Variants in RIMBP2 observed in about 807,000 individuals in gnomAD.
The protein encoded by RIMBP2 is RIMS binding protein 2.
In RIMBP2, 48 loss-of-function variants were observed where a neutral mutation model predicts 118.6. The ratio of observed to expected loss-of-function variants is 0.40; its 90% CI spans 0.32 to 0.51. The LOEUF (loss-of-function observed/expected upper bound fraction) is 0.51, where lower values mean the gene tolerates loss of function less well. Among genes scored for constraint, RIMBP2 ranks in the 20% least tolerant of loss-of-function variants. The pLI, the probability that RIMBP2 is intolerant of heterozygous loss-of-function variation, is 0.41. For synonymous variants in RIMBP2, 762 were observed against 742.9 expected, an observed-to-expected ratio of 1.03 and a Z score of -0.42; for missense variants, 1,551 against 1,768.3, an observed-to-expected ratio of 0.88 and a Z score of 2.20.
At chr12:130,579,363 A>T (rs1023098553) in intron 2 of RIMBP2, among the ~76,000 whole-genome samples, 1 of 151,424 alleles carries the variant, frequency 6.6e-6, no homozygotes, top group Non-Finnish European at 1.5e-5. Flanking sequence ...CTCAGTAAAA[A>T]CCCTGGGCCC....
chr12:130,437,038 C>A lies in RIMBP2; in HGVS notation c.1910G>T (p.Arg637Met). ...TKDEHLGPHA[R>M]MDEAWEQSRA... ...GCTCTGCTCCCAGGCCTCATCCATC[C>A]TGGCGTGGGGACCCAGGTGCTCGTC... Residue 637 changes from arginine (R) to methionine (M), a missense_variant, in exon 13 of 23, where the codon AGG (arginine) becomes ATG (methionine). Coordinates refer to ENST00000690449, the MANE Select transcript of RIMBP2 (RefSeq NM_001393629.1). 6.3e-7 allele frequency: 1 copy of A among 1,580,194 alleles called. No homozygotes were observed. The highest frequency in any genetic ancestry group is 8.6e-7 in the Non-Finnish European group (1 of 1,160,594).
rs569157067 is a variant in RIMBP2, at chr12:130,523,560, A to G, written c.-216-5643T>C. The stretch of plus-strand genomic sequence containing the variant: ...CACCCCCTTCCCCATCAGGAGCTCC[A>G]GTTAAATCCCCATTTCAATGGACAA... On this transcript the variant is annotated intron_variant, in intron 2 of 22. Coordinates refer to ENST00000690449, the MANE Select transcript of RIMBP2 (RefSeq NM_001393629.1). This position sits in a 1 kb window ranked among gnomAD's most constrained non-coding sequence, Gnocchi z 4.4. Among the ~76,000 whole-genome samples the G allele has an allele frequency of 6.6e-6, 1 of 152,232 alleles. No individual in the cohort carries two copies. The highest frequency in any genetic ancestry group is 6.5e-5 in the Admixed American group (1 of 15,288).
intron 2 of RIMBP2, among the ~76,000 whole-genome samples, chr12:130,567,010 G>A (rs899694647): frequency 6.6e-6 from 1 of 152,220 alleles, no homozygotes; most frequent in Non-Finnish European, 1.5e-5. Flanking sequence ...AGTAGGAAAT[G>A]CTTTCAAAGG....
In RIMBP2 at chr12:130,442,290, G is replaced by A. The variant is rs1408127356; in HGVS notation, c.1062C>T (p.Asp354=). The part of the protein sequence containing the change: ...GTVSSYNVLV[D]KETRMNLTLG... ...GCGTGAGGTTCATGCGTGTCTCCTTGTCCACCAGGACGTTGTAGCTGCTCA... is the reference window on the plus strand; with the variant it reads ...GCGTGAGGTTCATGCGTGTCTCCTTATCCACCAGGACGTTGTAGCTGCTCA... The change falls in exon 11 of 23, where the codon GAC becomes GAT. Residue 354 remains aspartate (D), a synonymous_variant. Transcript: ENST00000690449. The surrounding 1 kb of genome is among the most constrained non-coding windows in gnomAD (Gnocchi z 6.9). 1 of 1,614,178 alleles carries A rather than the reference G, an allele frequency of 6.2e-7. No individual in the cohort carries two copies. Among genetic ancestry groups the A allele is most frequent in the South Asian group, 1.1e-5 (1 of 91,084 alleles).
chr12:130,522,079 C>T (rs1476385727), intron 2 of RIMBP2, among the ~76,000 whole-genome samples: 1 of 152,202 alleles, frequency 6.6e-6, no homozygotes, highest in Non-Finnish European at 1.5e-5. Context: ...GATGTGAGGA[C>T]TCCTAGGGCC....
intron 2 of RIMBP2, among the ~76,000 whole-genome samples, chr12:130,604,114 A>G (rs188659102): frequency 1.1e-4 from 16 of 152,226 alleles, no homozygotes; most frequent in Non-Finnish European, 1.3e-4. Flanking sequence ...GGCCCAGGCT[A>G]ATGTGTGCGT....
At position 130,576,469 on chromosome 12, in the gene RIMBP2, T is replaced by C. The variant is rs940198738; in HGVS notation, c.-217+51853A>G. ...CAGCTGCATGCCGGCATCCAAGCTGTGCGGGCTAAGTATCTCCTCCCGCGG... is the reference window on the plus strand; with the variant it reads ...CAGCTGCATGCCGGCATCCAAGCTGCGCGGGCTAAGTATCTCCTCCCGCGG... On this transcript the variant is annotated intron_variant, in intron 2 of 22. Coordinates refer to ENST00000690449, the MANE Select transcript of RIMBP2 (RefSeq NM_001393629.1). The surrounding 1 kb of genome is among the most constrained non-coding windows in gnomAD (Gnocchi z 4.2). Among the ~76,000 whole-genome samples the C allele has an allele frequency of 3.3e-5, 5 of 152,248 alleles. No individual in the cohort carries two copies. The highest frequency in any genetic ancestry group is 1.2e-4 in the African/African-American group (5 of 41,566).
At chr12:130,714,614 T>C (rs1950197106) in intron 1 of RIMBP2, among the ~76,000 whole-genome samples, 1 of 152,172 alleles carries the variant, frequency 6.6e-6, no homozygotes, top group African/African-American at 2.4e-5. Context: ...TTCCCTGAAA[T>C]AACCTGGAAG....
intron 9 of RIMBP2, among the ~76,000 whole-genome samples, chr12:130,449,711 G>A (rs376812107): frequency 1.4e-4 from 21 of 152,230 alleles, no homozygotes; most frequent in African/African-American, 5.1e-4. Context: ...TACTGCAGCG[G>A]GGCAGATTCC....
At chr12:130,460,877 C>T (rs1440408314) in intron 6 of RIMBP2, among the ~76,000 whole-genome samples, 1 of 152,168 alleles carries the variant, frequency 6.6e-6, no homozygotes, top group Non-Finnish European at 1.5e-5. Flanking sequence ...CCCCGTCCCA[C>T]AGTCCCCTCA....
intron 1 of RIMBP2, among the ~76,000 whole-genome samples, chr12:130,704,650 C>T (rs898666437): frequency 3.9e-5 from 6 of 152,102 alleles, no homozygotes; most frequent in Non-Finnish European, 7.4e-5. Context: ...AATTAGATGG[C>T]ACTCCGCATT....
rs1270716098 is a variant in RIMBP2, at chr12:130,442,177, C to G, written c.1175G>C (p.Gly392Ala). 6.2e-7 allele frequency: 1 copy of G among 1,614,204 alleles called. No homozygotes were observed. The highest frequency in any genetic ancestry group is 1.3e-5 in the African/African-American group (1 of 75,054). Residue 392 changes from glycine to alanine, a missense_variant, in exon 11 of 23, where the codon GGC becomes GCC. Physicochemically the swap from Gly to Ala is moderately conservative, Grantham distance 60. Coordinates refer to ENST00000690449, the MANE Select transcript of RIMBP2 (RefSeq NM_001393629.1). This position sits in a 1 kb window ranked among gnomAD's most constrained non-coding sequence, Gnocchi z 6.9. ...CGTGCACTGCAGCTCATCCGAGCTG[C>G]CCCTGCTGGTGACGCACTGCACGGA... ...RISVQCVTSR[G>A]SSDELQCTLL...
chr12:130,436,970 C>A lies in RIMBP2; in HGVS notation c.1978G>T (p.Val660Leu). ...GAGGGCGACCGCCTTCCGGGGCCCA[C>A]GGGCGGCTCCAGCATGTGCCCATGC... ...PVHGHMLEPP[V>L]GPGRRSPSPS... The change falls in exon 13 of 23, where the codon GTG becomes TTG. Residue 660 changes from valine to leucine, a missense_variant. Around this residue, in one of 5 missense-constraint regions of RIMBP2, gnomAD observed 1,038 missense variants for 1,125.1 expected, o/e 0.92. Coordinates refer to ENST00000690449, the MANE Select transcript of RIMBP2 (RefSeq NM_001393629.1). The A allele has an allele frequency of 6.2e-7, 1 of 1,608,280 alleles. No homozygotes were observed. Among genetic ancestry groups the A allele is most frequent in the Non-Finnish European group, 8.5e-7 (1 of 1,177,806 alleles).
chr12:130,414,100 C>G lies in RIMBP2; in HGVS notation c.3420+25G>C, dbSNP rs754468104. The G allele has an allele frequency of 1.9e-6, 3 of 1,613,030 alleles. No homozygotes were observed. The East Asian group carries it at 6.7e-5, about 36-fold the overall frequency. ...AGACCCGCCTCAGGGGCTGATGAAG[C>G]CGCCCGCAGGCAGCCATCCCGCACC... On this transcript the variant is annotated intron_variant, in intron 18 of 22. Transcript: ENST00000690449.
In RIMBP2 at chr12:130,646,466, G is replaced by A. The variant is rs76749102; in HGVS notation, c.-351-18010C>T. ...TGCCACCTCCCTCGCCACCTCCCTC[G>A]CTACCTCCCTCACTACTGCAAAAGG... On this transcript the variant is annotated intron_variant, in intron 1 of 22. Coordinates refer to ENST00000690449, the MANE Select transcript of RIMBP2 (RefSeq NM_001393629.1). 3.1e-3 allele frequency among the ~76,000 whole-genome samples: 135 copies of A among 43,286 alleles called. 36 individuals are homozygous for A. The highest frequency in any genetic ancestry group is 5.3e-3 in the African/African-American group (78 of 14,614). 28.4% of individuals were successfully genotyped at this position (43,286 alleles called of 152,430 possible).
chr12:130,522,159 T>A (rs2052201131), intron 2 of RIMBP2, among the ~76,000 whole-genome samples: 1 of 152,238 alleles, frequency 6.6e-6, no homozygotes, highest in South Asian at 2.1e-4. Context: ...TTTAATCCAT[T>A]AATATCCACT....
At chr12:130,580,672 G>A (rs1593889484) in intron 2 of RIMBP2, among the ~76,000 whole-genome samples, 1 of 152,222 alleles carries the variant, frequency 6.6e-6, no homozygotes, top group Non-Finnish European at 1.5e-5. Context: ...AGGTGCAGTG[G>A]CTCATGCCTG....
chr12:130,507,137 A>G (rs893331364), intron 3 of RIMBP2, among the ~76,000 whole-genome samples: 6 of 152,196 alleles, frequency 3.9e-5, no homozygotes, highest in Admixed American at 2.6e-4. Context: ...TTGCACTTGT[A>G]TAGGAACCCG....
intron 12 of RIMBP2, 26 bp downstream of exon 12, chr12:130,438,339 T>TCCCCC: frequency 2.6e-6 from 2 of 755,628 alleles, no homozygotes; most frequent in Admixed American, 2.5e-5. Flanking sequence ...TAACAAACCC[T>TCCCCC]CCCCACCCAC....
Sources: allele counts gnomAD v4.1 joint callset (sites outside exome capture counted in the v4.1 genomes callset), GRCh38; gene constraint gnomAD v4.1.1; regional missense constraint gnomAD v4.1.1; non-coding constraint Gnocchi (gnomAD v3.1); transcripts MANE v1.5; gene names NCBI Gene and HGNC (gene_info 2026-07-23, HGNC 2026-07-21).